The following CNTNAP3 variants were observed in gnomAD, a reference collection of about 807,000 sequenced individuals.
CNTNAP3 encodes the protein contactin-associated protein-like 3.
Under a neutral mutation model 92.1 loss-of-function variants are expected in CNTNAP3, and 36 were observed. The observed-to-expected ratio is 0.39, with a 90% CI of 0.30 to 0.52. CNTNAP3 has a LOEUF of 0.52. Among genes scored for constraint, CNTNAP3 ranks in the 20% least tolerant of loss-of-function variants. CNTNAP3 has a pLI of 0.76. For synonymous variants in CNTNAP3, 232 were observed against 422.3 expected, an observed-to-expected ratio of 0.55 and a Z score of 5.53; for missense variants, 534 against 1,069.6, an observed-to-expected ratio of 0.50 and a Z score of 6.98.
At chr9:39,077,550 C>G (rs7868406) in intron 23 of CNTNAP3, among the ~76,000 whole-genome samples, 2,407 of 147,378 alleles carry the variant, frequency 0.016, 47 homozygotes, top group African/African-American at 0.057. Context: ...CAGCGAGACT[C>G]TGTCTCAAAA....
chr9:39,104,550 A>C (rs10974141), intron 15 of CNTNAP3, among the ~76,000 whole-genome samples: 24,148 of 150,614 alleles, frequency 0.16, 2,302 homozygotes, highest in East Asian at 0.21. Context: ...GGCAAGAACA[A>C]TCAAGAACAA....
intron 13 of CNTNAP3, among the ~76,000 whole-genome samples, chr9:39,119,355 C>CAA (rs35344011): frequency 0.059 from 5,950 of 101,142 alleles, 254 homozygotes; most frequent in African/African-American, 0.1. Context: ...GCCCCTCTGC[C>CAA]AAAAAAAAAA....
chr9:39,125,771 C>A (rs1758251), intron 13 of CNTNAP3, among the ~76,000 whole-genome samples: 3 of 152,052 alleles, frequency 2.0e-5, no homozygotes, highest in Admixed American at 2.0e-4. Flanking sequence ...GTCAATATAA[C>A]AAGAAGATAT....
chr9:39,113,545 G>A (rs2117933718), intron 14 of CNTNAP3, among the ~76,000 whole-genome samples: 1 of 150,990 alleles, frequency 6.6e-6, no homozygotes, highest in East Asian at 2.0e-4. Flanking sequence ...TTCTATGTAG[G>A]CAATCATATT....
intron 23 of CNTNAP3, among the ~76,000 whole-genome samples, chr9:39,077,805 C>T (rs1825818581): frequency 6.6e-6 from 1 of 152,016 alleles, no homozygotes; most frequent in Non-Finnish European, 1.5e-5. Flanking sequence ...AAATTAATAA[C>T]TTTTCAGTAT....
chr9:39,089,781 T>C (rs919219829), intron 18 of CNTNAP3, among the ~76,000 whole-genome samples: 9 of 152,184 alleles, frequency 5.9e-5, no homozygotes, highest in African/African-American at 9.7e-5. Context: ...AGGTATTTCA[T>C]TGTGACTTTG....
rs201666622 is a variant in CNTNAP3, at chr9:39,098,974, C to CT, written c.2995+936dup. On this transcript the variant is annotated intron_variant, in intron 18 of 23. Transcript: ENST00000297668. ...CTAAAATCAGTCCCTTTTTCCTTTT[C>CT]TTTTTTTTTTTTTTCCCCAAGACGG... 1.6e-3 allele frequency among the ~76,000 whole-genome samples: 234 copies of CT among 144,322 alleles called. 1 individual carries two copies. Among genetic ancestry groups the CT allele is most frequent in the African/African-American group, 4.1e-3 (161 of 39,478 alleles). 94.7% of individuals were successfully genotyped at this position (144,322 alleles called of 152,430 possible). A position where few individuals can be genotyped will look rare whatever the true frequency, so the allele number is the denominator to read the frequency against.
intron 15 of CNTNAP3, among the ~76,000 whole-genome samples, chr9:39,105,268 A>C (rs1370306816): frequency 6.6e-6 from 1 of 152,110 alleles, no homozygotes; most frequent in Non-Finnish European, 1.5e-5. Context: ...TCTACTAAAA[A>C]TACAAAAAAT....
intron 12 of CNTNAP3, among the ~76,000 whole-genome samples, chr9:39,136,267 A>C (rs2118069554): frequency 6.6e-6 from 1 of 152,218 alleles, no homozygotes; most frequent in South Asian, 2.1e-4. Flanking sequence ...GATTGTCTGC[A>C]CTTAAAATTT....
intron 14 of CNTNAP3, among the ~76,000 whole-genome samples, chr9:39,114,075 C>A (rs1381898216): frequency 6.7e-6 from 1 of 149,110 alleles, no homozygotes; most frequent in Non-Finnish European, 1.5e-5. Flanking sequence ...TATACACACA[C>A]ACATACTTTT....
At chr9:39,106,240 C>T (rs1826603621) in intron 15 of CNTNAP3, among the ~76,000 whole-genome samples, 4 of 152,190 alleles carry the variant, frequency 2.6e-5, no homozygotes, top group African/African-American at 9.7e-5. Flanking sequence ...GAGGAATCTA[C>T]AAGTTTTACA....
At chr9:39,075,905 A>G (rs1159034097) in intron 23 of CNTNAP3, among the ~76,000 whole-genome samples, 2 of 152,298 alleles carry the variant, frequency 1.3e-5, no homozygotes, top group Non-Finnish European at 2.9e-5. Context: ...GTTAGGAATG[A>G]TGAGGAGAAA....
chr9:39,093,595 T>C (rs2118450746), intron 18 of CNTNAP3, among the ~76,000 whole-genome samples: 2 of 151,576 alleles, frequency 1.3e-5, no homozygotes, highest in East Asian at 3.9e-4. Flanking sequence ...TCTATTGATA[T>C]CTAGTAAACA....
chr9:39,110,895 C>G (rs1826730505), intron 14 of CNTNAP3, among the ~76,000 whole-genome samples: 2 of 152,206 alleles, frequency 1.3e-5, no homozygotes, highest in South Asian at 4.1e-4. Context: ...TGGTTAGAAA[C>G]TCCACAGTAT....
Position 39,068,275 on chromosome 9 carries a change from G to T in CNTNAP3, c.*5615C>A, listed in dbSNP as rs1245121016. On this transcript the variant is annotated 3_prime_UTR_variant, in exon 24 of 24. Transcript: ENST00000297668. Reference sequence around the variant, plus strand: ...AAAAAAAAAAAAAAAAATTAGCTGGGCATGTTGGCTTGTGCCTGTAGTCCC... The same window carrying T: ...AAAAAAAAAAAAAAAAATTAGCTGGTCATGTTGGCTTGTGCCTGTAGTCCC... Among the ~76,000 whole-genome samples the T allele has an allele frequency of 1.3e-5, 2 of 150,978 alleles. No homozygotes were observed. The highest frequency in any genetic ancestry group is 3.0e-5 in the Non-Finnish European group (2 of 67,656).
chr9:39,099,724 A>G, intron 18 of CNTNAP3, 187 bp downstream of exon 18: 1 of 776,844 alleles, frequency 1.3e-6, no homozygotes, highest in Non-Finnish European at 2.0e-6. Context: ...GAGAGGACTG[A>G]TAGCCTTAAG....
At chr9:39,087,060 G>T (rs57312790) in intron 19 of CNTNAP3, among the ~76,000 whole-genome samples, 34,914 of 146,748 alleles carry the variant, frequency 0.24, 4,270 homozygotes, top group East Asian at 0.4. Context: ...GATGCTATTT[G>T]AAAAGTCAAG....
In CNTNAP3 at chr9:39,064,798, G is replaced by A. The variant is rs1277374552; in HGVS notation, c.*9092C>T. Among the ~76,000 whole-genome samples, 1 of 152,418 alleles carries A rather than the reference G, an allele frequency of 6.6e-6. No homozygotes were observed. The highest frequency in any genetic ancestry group is 1.5e-5 in the Non-Finnish European group (1 of 68,050). ...CACATTTTGACATTTGTATTGTACTGTGAAAGATTTATATGTATTTGTATA... is the reference window on the plus strand; with the variant it reads ...CACATTTTGACATTTGTATTGTACTATGAAAGATTTATATGTATTTGTATA... On this transcript the variant is annotated 3_prime_UTR_variant, in exon 24 of 24. Coordinates refer to ENST00000297668, the MANE Select transcript of CNTNAP3 (RefSeq NM_033655.5).
intron 12 of CNTNAP3, among the ~76,000 whole-genome samples, chr9:39,137,051 C>T (rs1821454600): frequency 6.6e-6 from 1 of 151,512 alleles, no homozygotes; most frequent in Non-Finnish European, 1.5e-5. Context: ...AATTCTCAGT[C>T]ATTATTTCTT....
Sources: allele counts gnomAD v4.1 joint callset (sites outside exome capture counted in the v4.1 genomes callset), GRCh38; gene constraint gnomAD v4.1.1; transcripts MANE v1.5; gene names NCBI Gene and HGNC (gene_info 2026-07-23, HGNC 2026-07-21).